The following TTC28 variants were observed in gnomAD, a reference collection of about 807,000 sequenced individuals.
The protein encoded by TTC28 is tetratricopeptide repeat protein 28.
Under a neutral mutation model 198.0 loss-of-function variants are expected in TTC28, and 61 were observed. The observed-to-expected ratio is 0.31, with a 90% CI of 0.25 to 0.38. The LOEUF (loss-of-function observed/expected upper bound fraction) is 0.38. Ranked by LOEUF, TTC28 falls within the 10% of genes least tolerant of loss-of-function variation. TTC28 has a pLI of 1.00. For synonymous variants in TTC28, 1,171 were observed against 1,297.8 expected, an observed-to-expected ratio of 0.90 and a Z score of 2.10; for missense variants, 2,678 against 3,164.0, an observed-to-expected ratio of 0.85 and a Z score of 3.69.
At chr22:28,324,662 C>G (rs2045499043) in intron 2 of TTC28, among the ~76,000 whole-genome samples, 1 of 151,316 alleles carries the variant, frequency 6.6e-6, no homozygotes, top group Non-Finnish European at 1.5e-5. Flanking sequence ...TCAGTAGATG[C>G]AGAAAAGGCC....
At chr22:28,657,335 A>G (rs2051675354) in intron 1 of TTC28, among the ~76,000 whole-genome samples, 1 of 152,178 alleles carries the variant, frequency 6.6e-6, no homozygotes, top group Non-Finnish European at 1.5e-5. Flanking sequence ...TGGTTTTTAA[A>G]TTTCATATCT....
intron 5 of TTC28, among the ~76,000 whole-genome samples, chr22:28,253,785 A>T (rs1930690012): frequency 6.6e-6 from 1 of 152,158 alleles, no homozygotes; most frequent in African/African-American, 2.4e-5. Flanking sequence ...GTGACCAGGT[A>T]AATGATGGTA....
chr22:28,258,754 G>A (rs751566118), intron 5 of TTC28, among the ~76,000 whole-genome samples: 1 of 152,098 alleles, frequency 6.6e-6, no homozygotes, highest in Non-Finnish European at 1.5e-5. Flanking sequence ...ACAACAGTGA[G>A]GAAGTATATT....
chr22:28,372,090 C>A (rs978611894), intron 2 of TTC28, among the ~76,000 whole-genome samples: 3 of 151,836 alleles, frequency 2.0e-5, no homozygotes, highest in African/African-American at 7.3e-5. Flanking sequence ...CCTGTTTCCC[C>A]CTACCACCTC....
chr22:28,143,962 G>A (rs930405616), intron 6 of TTC28, among the ~76,000 whole-genome samples: 1 of 152,032 alleles, frequency 6.6e-6, no homozygotes, highest in South Asian at 2.1e-4. Flanking sequence ...CCAGAGCCTC[G>A]ACATTATTCA....
intron 2 of TTC28, among the ~76,000 whole-genome samples, chr22:28,373,598 G>A (rs77356950): frequency 2.0e-5 from 3 of 152,164 alleles, no homozygotes; most frequent in African/African-American, 7.2e-5. Context: ...CATCTAGAGT[G>A]ATAGATTTTA....
intron 2 of TTC28, among the ~76,000 whole-genome samples, chr22:28,406,186 A>G (rs1285030397): frequency 6.6e-6 from 1 of 152,256 alleles, no homozygotes; most frequent in Admixed American, 6.5e-5. Context: ...GAAAAAACAC[A>G]AAGATTTAAC....
intron 5 of TTC28, among the ~76,000 whole-genome samples, chr22:28,164,120 C>A (rs1921588881): frequency 6.6e-6 from 1 of 152,300 alleles, no homozygotes; most frequent in South Asian, 2.1e-4. Context: ...ATTGCCAAGG[C>A]TTGAGTAGGT....
chr22:28,644,338 G>A (rs1475241839), intron 1 of TTC28, among the ~76,000 whole-genome samples: 2 of 150,364 alleles, frequency 1.3e-5, no homozygotes, highest in Non-Finnish European at 2.9e-5. Context: ...GGCGGAGGTT[G>A]CAGTGAGCCA....
At chr22:28,299,047 C>G (rs1228037941) in intron 3 of TTC28, among the ~76,000 whole-genome samples, 1 of 152,124 alleles carries the variant, frequency 6.6e-6, no homozygotes, top group Non-Finnish European at 1.5e-5. Flanking sequence ...CAGTAAGCCA[C>G]AGGAGATTTT....
Position 28,239,554 on chromosome 22 carries a change from C to T in TTC28, c.933+56644G>A, listed in dbSNP as rs192040730. Among the ~76,000 whole-genome samples, 16 of 152,286 alleles carry T rather than the reference C, an allele frequency of 1.1e-4. No homozygotes were observed. In the East Asian group the frequency reaches 2.7e-3, roughly 26 times the overall value. Reference sequence around the variant, plus strand: ...GTGCTGCTAAATATCATAAAAGCCACTAGGAAGATTAAACAAAACAGTTTT... The same window carrying T: ...GTGCTGCTAAATATCATAAAAGCCATTAGGAAGATTAAACAAAACAGTTTT... On this transcript the variant is annotated intron_variant, in intron 5 of 22. Transcript: ENST00000397906.
chr22:28,661,106 G>C (rs1339017621), intron 1 of TTC28, among the ~76,000 whole-genome samples: 3 of 151,722 alleles, frequency 2.0e-5, no homozygotes, highest in African/African-American at 7.2e-5. Flanking sequence ...CCAACATGGA[G>C]AAACCCCGTC....
chr22:28,429,882 T>A (rs1430931266), intron 2 of TTC28, among the ~76,000 whole-genome samples: 2 of 152,160 alleles, frequency 1.3e-5, no homozygotes, highest in African/African-American at 4.8e-5. Flanking sequence ...GACAGGAGAA[T>A]GCTCCAAGTA....
intron 2 of TTC28, among the ~76,000 whole-genome samples, chr22:28,460,250 T>C (rs1377519555): frequency 6.6e-6 from 1 of 152,162 alleles, no homozygotes; most frequent in Non-Finnish European, 1.5e-5. Flanking sequence ...GATAAAGTCG[T>C]GGGTAAAGGT....
chr22:28,053,223 T>C (rs1940153571), intron 12 of TTC28, among the ~76,000 whole-genome samples: 1 of 152,222 alleles, frequency 6.6e-6, no homozygotes, highest in African/African-American at 2.4e-5. Flanking sequence ...TTGTCCATCA[T>C]CCCTTCAGGA....
At chr22:28,084,704 A>G (rs1047817258) in intron 12 of TTC28, among the ~76,000 whole-genome samples, 1 of 152,202 alleles carries the variant, frequency 6.6e-6, no homozygotes, top group African/African-American at 2.4e-5. Context: ...CAGAAGATCA[A>G]ACTGCTCTGA....
chr22:28,223,184 T>C (rs932843305), intron 5 of TTC28, among the ~76,000 whole-genome samples: 1 of 152,180 alleles, frequency 6.6e-6, no homozygotes, highest in Non-Finnish European at 1.5e-5. Context: ...CTTGTCTGCT[T>C]GCTCTTTGGT....
chr22:28,147,997 C>T (rs761276379), intron 6 of TTC28, among the ~76,000 whole-genome samples: 9 of 152,146 alleles, frequency 5.9e-5, no homozygotes, highest in Non-Finnish European at 1.3e-4. Context: ...GTGTGATATC[C>T]TAGTGATTTT....
chr22:28,524,932 G>A (rs769653953), intron 2 of TTC28, among the ~76,000 whole-genome samples: 2 of 151,860 alleles, frequency 1.3e-5, no homozygotes, highest in African/African-American at 4.8e-5. Flanking sequence ...ATAATCACAG[G>A]CAAAGATTCA....
Sources: allele counts gnomAD v4.1 joint callset (sites outside exome capture counted in the v4.1 genomes callset), GRCh38; gene constraint gnomAD v4.1.1; transcripts MANE v1.5; gene names NCBI Gene and HGNC (gene_info 2026-07-23, HGNC 2026-07-21).